Variants in STK39 observed in about 807,000 individuals in gnomAD.
STK39 encodes the protein serine/threonine kinase 39.
Under a neutral mutation model 77.8 loss-of-function variants are expected in STK39, and 20 were observed. The observed-to-expected ratio is 0.26, with a 90% CI of 0.18 to 0.37. The LOEUF (loss-of-function observed/expected upper bound fraction) is 0.37, where lower values mean the gene tolerates loss of function less well. Ranked by LOEUF, STK39 falls within the 10% of genes least tolerant of loss-of-function variation. STK39 has a pLI of 1.00. For missense variants in STK39, 479 were observed against 656.5 expected (o/e 0.73, Z 2.95); for synonymous variants, 246 against 234.1 (o/e 1.05, Z -0.47).
intron 12 of STK39, among the ~76,000 whole-genome samples, chr2:168,069,743 T>C (rs776578717): frequency 6.6e-6 from 1 of 152,152 alleles, no homozygotes; most frequent in Non-Finnish European, 1.5e-5. Context: ...AAAATCAGAG[T>C]TGCCTGGACA....
chr2:167,985,752 A>T (rs971139493), intron 16 of STK39, among the ~76,000 whole-genome samples: 3 of 152,218 alleles, frequency 2.0e-5, no homozygotes, highest in Admixed American at 6.5e-5. Flanking sequence ...AATAAATATT[A>T]ATTTGCATGC....
intron 17 of STK39, among the ~76,000 whole-genome samples, chr2:167,963,713 G>T (rs1430927645): frequency 1.3e-5 from 2 of 152,056 alleles, no homozygotes; most frequent in Non-Finnish European, 2.9e-5. Context: ...ACACAGCCTA[G>T]CTATCTAAAA....
At chr2:168,168,847 G>T (rs1688752786) in intron 2 of STK39, among the ~76,000 whole-genome samples, 1 of 152,158 alleles carries the variant, frequency 6.6e-6, no homozygotes, top group Admixed American at 6.5e-5. Flanking sequence ...GCTGAGTGTG[G>T]TGGTGTGCGC....
At chr2:167,969,600 GA>G in intron 16 of STK39, among the ~76,000 whole-genome samples, 1 of 152,246 alleles carries the variant, frequency 6.6e-6, no homozygotes, top group Non-Finnish European at 1.5e-5. Context: ...TGAAAACCCA[GA>G]AAAAATCTTA....
At chr2:167,973,247 T>A (rs1278034224) in intron 16 of STK39, among the ~76,000 whole-genome samples, 1 of 145,490 alleles carries the variant, frequency 6.9e-6, no homozygotes, top group Non-Finnish European at 1.5e-5. Flanking sequence ...AATAAAGACA[T>A]TTGGACTAAA....
At chr2:168,214,135 GC>G (rs942656587) in intron 1 of STK39, among the ~76,000 whole-genome samples, 6 of 151,950 alleles carry the variant, frequency 3.9e-5, no homozygotes, top group African/African-American at 1.5e-4. Flanking sequence ...GCAATCCCAG[GC>G]AAGTCACTCG....
chr2:168,175,813 G>C (rs186124184), intron 2 of STK39, among the ~76,000 whole-genome samples: 1 of 152,190 alleles, frequency 6.6e-6, no homozygotes, highest in African/African-American at 2.4e-5. Flanking sequence ...AAAGATAACA[G>C]TACAAAATTT....
chr2:167,983,467 A>AAG (rs1269099172), intron 16 of STK39, among the ~76,000 whole-genome samples: 1 of 135,276 alleles, frequency 7.4e-6, no homozygotes, highest in Non-Finnish European at 1.6e-5. Context: ...AAAAAAAAAA[A>AAG]AAAGAAATGA....
chr2:167,971,457 C>A (rs962099134), intron 16 of STK39, among the ~76,000 whole-genome samples: 1 of 151,750 alleles, frequency 6.6e-6, no homozygotes, highest in Non-Finnish European at 1.5e-5. Context: ...TTCTTCTGCA[C>A]GTAGGTAGGA....
intron 5 of STK39, among the ~76,000 whole-genome samples, chr2:168,142,938 T>G (rs867776533): frequency 6.6e-6 from 1 of 152,144 alleles, no homozygotes; most frequent in African/African-American, 2.4e-5. Context: ...CACAAAAAAT[T>G]GGTATATTAT....
chr2:168,171,479 G>GA (rs11333975), intron 2 of STK39, among the ~76,000 whole-genome samples: 3 of 108,748 alleles, frequency 2.8e-5, no homozygotes, highest in Admixed American at 1.0e-4. Context: ...TAAAAAAAGG[G>GA]AAAAAAAAAC....
intron 17 of STK39, 57 bp from the exon 18 acceptor site, chr2:167,955,627 A>G: frequency 6.4e-7 from 1 of 1,561,010 alleles, no homozygotes; most frequent in South Asian, 1.2e-5. Context: ...TGGTTGTTAA[A>G]GTCTTGTTCC....
chr2:167,999,531 G>A (rs940987663), intron 16 of STK39, among the ~76,000 whole-genome samples: 2 of 151,872 alleles, frequency 1.3e-5, no homozygotes. Context: ...GTGCTATCTC[G>A]GCTCATTGCA....
At chr2:168,171,873 C>CCG (rs1559131906) in intron 2 of STK39, among the ~76,000 whole-genome samples, 1 of 110,598 alleles carries the variant, frequency 9.0e-6, no homozygotes, top group East Asian at 3.4e-4. Context: ...CCCCCCCACA[C>CCG]ACAAAACATT....
intron 14 of STK39, among the ~76,000 whole-genome samples, chr2:168,060,562 T>A (rs868158389): frequency 1.3e-5 from 2 of 152,234 alleles, no homozygotes; most frequent in Non-Finnish European, 1.5e-5. Flanking sequence ...ATGGTATTTT[T>A]TTTAATGGCA....
chr2:168,139,658 T>C (rs370704872), intron 7 of STK39, among the ~76,000 whole-genome samples: 8 of 152,088 alleles, frequency 5.3e-5, no homozygotes, highest in Non-Finnish European at 7.4e-5. Context: ...CTATGTAAAA[T>C]AGCATTATAA....
chr2:168,092,970 A>G (rs1456892367), intron 10 of STK39, among the ~76,000 whole-genome samples: 2 of 152,080 alleles, frequency 1.3e-5, no homozygotes, highest in African/African-American at 4.8e-5. Flanking sequence ...GGTTGGACAC[A>G]CATGTTTCTC....
intron 14 of STK39, among the ~76,000 whole-genome samples, chr2:168,061,695 T>C (rs533017800): frequency 3.9e-5 from 6 of 152,292 alleles, no homozygotes; most frequent in African/African-American, 7.2e-5. Flanking sequence ...AAGAGCAATA[T>C]AGAAACTGTA....
chr2:168,212,670 TGTAAACTTCAG>T (rs1181999042), intron 1 of STK39, among the ~76,000 whole-genome samples: 3 of 152,228 alleles, frequency 2.0e-5, no homozygotes, highest in Non-Finnish European at 4.4e-5. Context: ...AGCATAGCCC[TGTAAACTTCAG>T]GTAAAGGTCA....
Sources: gnomAD v4.1 joint callset for allele counts (sites outside exome capture counted in the v4.1 genomes callset) on GRCh38, gnomAD v4.1.1 for gene constraint, MANE v1.5 for transcripts, NCBI Gene and HGNC (gene_info 2026-07-23, HGNC 2026-07-21) for gene names.